RALGAPA2: variants seen among roughly 807,000 people sequenced by gnomAD.
RALGAPA2 encodes ral GTPase-activating protein subunit alpha-2.
RALGAPA2 carries 139 observed loss-of-function variants against 230.4 expected under a neutral mutation model. The observed-to-expected ratio is 0.60, with a 90% CI of 0.53 to 0.69. The LOEUF (loss-of-function observed/expected upper bound fraction) is 0.69. Among genes scored for constraint, RALGAPA2 ranks in the 30% least tolerant of loss-of-function variants. The pLI, the probability that RALGAPA2 is intolerant of heterozygous loss-of-function variation, is 0.00. For synonymous variants in RALGAPA2, 847 were observed against 837.8 expected (o/e 1.01, Z -0.19); for missense variants, 2,163 against 2,276.0 (o/e 0.95, Z 1.01).
At chr20:20,532,738 G>A (rs1225555538) in intron 26 of RALGAPA2, among the ~76,000 whole-genome samples, 24 of 152,200 alleles carry the variant, frequency 1.6e-4, no homozygotes, top group Admixed American at 1.3e-3. Context: ...TGCCCAGGAA[G>A]TCATAGAGAG....
At chr20:20,557,485 G>A (rs2064119722) in intron 23 of RALGAPA2, among the ~76,000 whole-genome samples, 1 of 152,146 alleles carries the variant, frequency 6.6e-6, no homozygotes, top group African/African-American at 2.4e-5. Flanking sequence ...GCATCTACTA[G>A]AAATATATTC....
Position 20,433,231 on chromosome 20 carries a change from T to C in RALGAPA2, c.5496-21083A>G, listed in dbSNP as rs183775180. Among the ~76,000 whole-genome samples, 244 of 152,346 alleles carry C rather than the reference T, an allele frequency of 1.6e-3. 1 individual carries two copies. Among genetic ancestry groups the C allele is most frequent in the Non-Finnish European group, 1.5e-3 (100 of 68,032 alleles). On this transcript the variant is annotated intron_variant, in intron 37 of 39. Transcript: ENST00000202677. ...AGAAAGTATTGTTACTCTCACTTTA[T>C]AGCTGAAGAAATTAAGGCTCCGAGT...
At chr20:20,696,794 AG>A (rs2146956022) in intron 1 of RALGAPA2, among the ~76,000 whole-genome samples, 1 of 152,308 alleles carries the variant, frequency 6.6e-6, no homozygotes, top group East Asian at 1.9e-4. Flanking sequence ...CCCTTCAGAG[AG>A]GCCTTCCCTC....
intron 1 of RALGAPA2, among the ~76,000 whole-genome samples, chr20:20,694,945 T>G (rs914446987): frequency 1.3e-5 from 2 of 152,180 alleles, no homozygotes; most frequent in Non-Finnish European, 1.5e-5. Context: ...TTATAATGAG[T>G]ATGTAAAATT....
At chr20:20,688,754 T>C (rs924191197) in intron 1 of RALGAPA2, among the ~76,000 whole-genome samples, 3 of 152,192 alleles carry the variant, frequency 2.0e-5, no homozygotes, top group Non-Finnish European at 2.9e-5. Flanking sequence ...CAGCAGAATT[T>C]AGATATACAG....
At position 20,601,552 on chromosome 20, in the gene RALGAPA2, T is replaced by C. The variant is rs932107990; in HGVS notation, c.2203+130A>G. 4.3e-5 allele frequency: 37 copies of C among 865,292 alleles called. No homozygotes were observed. The African/African-American group carries it at 6.4e-4, about 15-fold the overall frequency. 53.6% of individuals were successfully genotyped at this position (865,292 alleles called of 1,614,324 possible). On this transcript the variant is annotated intron_variant, in intron 16 of 39. Coordinates refer to ENST00000202677, the MANE Select transcript of RALGAPA2 (RefSeq NM_020343.4). ...TAACCAGAGCATAAAGCTAAAAAGA[T>C]GTAGAGACATTTCATTTAATATAAG...
intron 10 of RALGAPA2, among the ~76,000 whole-genome samples, chr20:20,621,135 A>G (rs774149393): frequency 1.1e-4 from 17 of 150,736 alleles, no homozygotes; most frequent in Non-Finnish European, 1.9e-4. Context: ...AGCCAGACTC[A>G]GTCTCCAAAA....
rs2059618680 is a variant in RALGAPA2 at position 20,392,373 on chromosome 20, G to A, written c.*916C>T. ...GACAGGAGCAGCAAAGTTGCAGCGT[G>A]AGGCTTTTGGAGGCACAAGGCCATT... is the stretch of plus-strand genomic sequence containing the variant. On this transcript the variant is annotated 3_prime_UTR_variant, in exon 40 of 40. Coordinates refer to ENST00000202677, the MANE Select transcript of RALGAPA2 (RefSeq NM_020343.4). 1 of 152,264 alleles carries A rather than the reference G, an allele frequency of 6.6e-6. No individual in the cohort carries two copies. The highest frequency in any genetic ancestry group is 1.5e-5 in the Non-Finnish European group (1 of 68,054). The allele number at this position is 152,264 out of a possible 1,614,324, so 9.4% of individuals were successfully genotyped here.
At chr20:20,458,832 ATATAGACC>A (rs2061224538) in intron 37 of RALGAPA2, among the ~76,000 whole-genome samples, 1 of 143,130 alleles carries the variant, frequency 7.0e-6, no homozygotes, top group Non-Finnish European at 1.5e-5. Context: ...CTATATATAT[ATATAGACC>A]TATATATATA....
At position 20,512,533 on chromosome 20, in the gene RALGAPA2, T is replaced by C. The variant is rs751872309; in HGVS notation, c.4836A>G (p.Gly1612=). Residue 1612 remains glycine, a synonymous_variant, in exon 32 of 40, where the codon GGA becomes GGG. Coordinates refer to ENST00000202677, the MANE Select transcript of RALGAPA2 (RefSeq NM_020343.4). Reference sequence around the variant, plus strand: ...GTTACCTTCTGTCCCAAGAATTCATTCCCAAGTCATCAAGCAATAACCTGC... The same window carrying C: ...GTTACCTTCTGTCCCAAGAATTCATCCCCAAGTCATCAAGCAATAACCTGC... ...YFCRLLLDDL[G]MNSWDRRKNF... is the part of the protein sequence containing the mutation. The C allele has an allele frequency of 6.2e-6, 10 of 1,605,914 alleles. No homozygotes were observed. Among genetic ancestry groups the C allele is most frequent in the Non-Finnish European group, 6.8e-6 (8 of 1,177,066 alleles).
intron 16 of RALGAPA2, among the ~76,000 whole-genome samples, chr20:20,595,737 A>G (rs1023760573): frequency 1.3e-5 from 2 of 152,170 alleles, no homozygotes; most frequent in Admixed American, 1.3e-4. Flanking sequence ...GTAGATCACA[A>G]GCTCAGGAAT....
At chr20:20,401,714 T>C (rs2059844173) in intron 38 of RALGAPA2, among the ~76,000 whole-genome samples, 1 of 152,156 alleles carries the variant, frequency 6.6e-6, no homozygotes. Flanking sequence ...GTGTGAGGTG[T>C]CTGAGGAAAC....
chr20:20,569,578 T>G (rs1270090024), intron 23 of RALGAPA2, among the ~76,000 whole-genome samples: 1 of 152,170 alleles, frequency 6.6e-6, no homozygotes, highest in African/African-American at 2.4e-5. Flanking sequence ...GTAAAAACAA[T>G]TTTAAGCACA....
At chr20:20,419,914 C>T (rs6137027) in intron 37 of RALGAPA2, among the ~76,000 whole-genome samples, 3,901 of 152,240 alleles carry the variant, frequency 0.026, 123 homozygotes, top group East Asian at 0.16. Flanking sequence ...AGATAGATGT[C>T]GCTCCTGCCA....
At chr20:20,709,463 C>T (rs1016314885) in intron 1 of RALGAPA2, among the ~76,000 whole-genome samples, 1 of 152,198 alleles carries the variant, frequency 6.6e-6, no homozygotes, top group African/African-American at 2.4e-5. Context: ...TGTACTCCAA[C>T]GTGGACAACA....
chr20:20,397,614 T>C (rs1455230515), intron 38 of RALGAPA2, among the ~76,000 whole-genome samples: 3 of 152,214 alleles, frequency 2.0e-5, no homozygotes, highest in Admixed American at 1.3e-4. Context: ...ACGTGGACCA[T>C]TGTCTGCACA....
At chr20:20,458,848 ATATAGACC>A (rs1217346387) in intron 37 of RALGAPA2, among the ~76,000 whole-genome samples, 1 of 138,486 alleles carries the variant, frequency 7.2e-6, no homozygotes, top group Non-Finnish European at 1.5e-5. Flanking sequence ...ACCTATATAT[ATATAGACC>A]TATATATATA....
intron 23 of RALGAPA2, among the ~76,000 whole-genome samples, chr20:20,553,271 G>C (rs944754156): frequency 2.6e-5 from 4 of 152,178 alleles, no homozygotes; most frequent in African/African-American, 9.7e-5. Flanking sequence ...TTGCCTAGTG[G>C]CAGGGCATGG....
rs2063020395 is a variant in RALGAPA2 at position 20,520,974 on chromosome 20, C to G, written c.4027G>C (p.Glu1343Gln). The G allele has an allele frequency of 6.2e-7, 1 of 1,613,816 alleles. No homozygotes were observed. Residue 1343 changes from glutamate (E) to glutamine (Q), a missense_variant, in exon 31 of 40, where the codon GAG becomes CAG. Transcript: ENST00000202677. ...FLPLANVKSS[E>Q]PVQYHSSAEL... ...GCTGATGAATGATACTGGACTGGCT[C>G]AGAGCTCTTCACATTTGCCAGTGGC... is the stretch of plus-strand genomic sequence containing the variant.
Sources: allele counts gnomAD v4.1 joint callset (sites outside exome capture counted in the v4.1 genomes callset), GRCh38; gene constraint gnomAD v4.1.1; transcripts MANE v1.5; gene names NCBI Gene and HGNC (gene_info 2026-07-23, HGNC 2026-07-21).